Variants in NCKAP1L observed in about 807,000 individuals in gnomAD.
NCKAP1L encodes NCK associated protein 1 like, also known as nck-associated protein 1-like.
In NCKAP1L, 53 loss-of-function variants were observed where a neutral mutation model predicts 139.2. The ratio of observed to expected loss-of-function variants is 0.38; its 90% CI spans 0.31 to 0.48. The LOEUF is 0.48. Ranked by LOEUF, NCKAP1L falls within the 20% of genes least tolerant of loss-of-function variation. The pLI is 0.98. For missense variants in NCKAP1L, 1,151 were observed against 1,381.9 expected (o/e 0.83, Z 2.65); for synonymous variants, 468 against 499.7 (o/e 0.94, Z 0.85).
chr12:54,533,316 T>A (rs931710744), intron 26 of NCKAP1L, among the ~76,000 whole-genome samples: 1 of 152,178 alleles, frequency 6.6e-6, no homozygotes, highest in South Asian at 2.1e-4. Flanking sequence ...AGAGGGAGGA[T>A]GGCCTGTCCA....
At chr12:54,516,829 TG>T in intron 10 of NCKAP1L, 66 bp from the exon 11 acceptor site, 1 of 1,360,150 alleles carries the variant, frequency 7.4e-7, no homozygotes, top group Non-Finnish European at 1.0e-6. Flanking sequence ...AGCTTTCTTC[TG>T]TGCTGCCTGT....
chr12:54,535,826 C>A (rs1472645565), intron 27 of NCKAP1L, among the ~76,000 whole-genome samples: 1 of 152,204 alleles, frequency 6.6e-6, no homozygotes, highest in Non-Finnish European at 1.5e-5. Flanking sequence ...GCCTCTCCAT[C>A]CTATCAGGCA....
intron 30 of NCKAP1L, among the ~76,000 whole-genome samples, chr12:54,540,542 C>A (rs1957149226): frequency 6.6e-6 from 1 of 152,178 alleles, no homozygotes; most frequent in African/African-American, 2.4e-5. Flanking sequence ...GGCTCTCTAT[C>A]CATAAAAGTG....
intron 13 of NCKAP1L, 147 bp from the exon 14 acceptor site, chr12:54,518,504 T>G (rs933195359): frequency 2.7e-6 from 2 of 728,582 alleles, no homozygotes; most frequent in African/African-American, 3.4e-5. Context: ...CCCGGAAAGT[T>G]TCCTTCATCT....
At chr12:54,531,930 C>A in intron 25 of NCKAP1L, 105 bp downstream of exon 25, 1 of 995,412 alleles carries the variant, frequency 1.0e-6, no homozygotes, top group Non-Finnish European at 1.5e-6. Flanking sequence ...TTAACTTCTG[C>A]TTCAGAAGGG....
In NCKAP1L at chr12:54,518,923, G is replaced by A; in HGVS notation, c.1430G>A (p.Gly477Glu). The change falls in exon 15 of 31, where the codon GGA becomes GAA. Residue 477 changes from glycine to glutamate, a missense_variant. By Grantham distance (98) the Gly-to-Glu change is moderately conservative. Coordinates refer to ENST00000293373, the MANE Select transcript of NCKAP1L (RefSeq NM_005337.5). ...TCCGTTTTTCTTGCAGTTGATAATG[G>A]AGAAAAATTTGAATTCTCAGGATTG... ...SSLNLKQVDN[G>E]EKFEFSGLRL... 1 of 1,613,928 alleles carries A rather than the reference G, an allele frequency of 6.2e-7. No homozygotes were observed. The highest frequency in any genetic ancestry group is 1.7e-5 in the Admixed American group (1 of 60,020).
intron 29 of NCKAP1L, among the ~76,000 whole-genome samples, chr12:54,538,324 C>T (rs1957129267): frequency 1.3e-5 from 2 of 152,186 alleles, no homozygotes; most frequent in African/African-American, 4.8e-5. Flanking sequence ...AAGGGAATCC[C>T]CCACCCTTGC....
intron 16 of NCKAP1L, among the ~76,000 whole-genome samples, chr12:54,519,939 T>G (rs991009976): frequency 6.6e-6 from 1 of 151,776 alleles, no homozygotes; most frequent in Non-Finnish European, 1.5e-5. Flanking sequence ...AAACTTTGAG[T>G]TTTAGTGGAC....
chr12:54,519,810 C>T (rs867772484), intron 16 of NCKAP1L, among the ~76,000 whole-genome samples: 16 of 151,110 alleles, frequency 1.1e-4, no homozygotes, highest in East Asian at 3.9e-4. Flanking sequence ...ACATAGTCTT[C>T]GCTTCTCTGG....
intron 3 of NCKAP1L, chr12:54,500,856 C>T (rs1956792284): frequency 2.9e-6 from 1 of 347,142 alleles, no homozygotes; most frequent in Non-Finnish European, 5.2e-6. Context: ...TAGTAAATAT[C>T]TAGGAAAGAT....
intron 3 of NCKAP1L, among the ~76,000 whole-genome samples, chr12:54,504,944 A>G (rs543192454): frequency 2.0e-4 from 30 of 152,350 alleles, no homozygotes; most frequent in African/African-American, 7.2e-4. Context: ...CTGAAAGTGA[A>G]TTTCAGCTAT....
At chr12:54,536,345 G>C in intron 28 of NCKAP1L, 100 bp downstream of exon 28, 1 of 893,454 alleles carries the variant, frequency 1.1e-6, no homozygotes. Context: ...CTTCTGACTT[G>C]GGTGTAAAGT....
chr12:54,524,301 C>A (rs1447017131), intron 20 of NCKAP1L, among the ~76,000 whole-genome samples: 1 of 152,168 alleles, frequency 6.6e-6, no homozygotes, highest in East Asian at 1.9e-4. Context: ...TTATTTGAAC[C>A]AGTTTCTTTC....
intron 7 of NCKAP1L, among the ~76,000 whole-genome samples, chr12:54,511,414 A>T (rs1316727842): frequency 4.6e-5 from 7 of 152,268 alleles, no homozygotes; most frequent in Middle Eastern, 3.4e-3. Context: ...TTAGTTTTTT[A>T]AAAAAATTTA....
intron 22 of NCKAP1L, among the ~76,000 whole-genome samples, chr12:54,530,890 A>G (rs1957063543): frequency 1.3e-5 from 2 of 152,266 alleles, no homozygotes; most frequent in Admixed American, 1.3e-4. Flanking sequence ...GAAGTAAACC[A>G]GGCTCAGAGA....
intron 11 of NCKAP1L, 78 bp from the exon 12 acceptor site, chr12:54,517,455 T>G (rs1354500848): frequency 1.1e-6 from 1 of 936,018 alleles, no homozygotes; most frequent in Non-Finnish European, 1.7e-6. Context: ...CATACCTATA[T>G]TATCATGGTA....
At position 54,545,766 on chromosome 12, in the gene NCKAP1L, G is replaced by A. The variant is rs1254022937; in HGVS notation, c.*3081G>A. 6.6e-6 allele frequency: 1 copy of A among 152,252 alleles called. No individual in the cohort carries two copies. Among genetic ancestry groups the A allele is most frequent in the African/African-American group, 2.4e-5 (1 of 41,468 alleles). The allele number at this position is 152,252 out of a possible 1,614,324, so 9.4% of individuals were successfully genotyped here. On this transcript the variant is annotated 3_prime_UTR_variant, in exon 31 of 31. Transcript: ENST00000293373. ...TAGCCTCAGCATTTTCATTAATGTA[G>A]TGTTTTTATTAACATCTCCATTAAC...
intron 7 of NCKAP1L, chr12:54,510,325 CT>C (rs1956877138): frequency 2.2e-6 from 1 of 451,396 alleles, no homozygotes; most frequent in African/African-American, 2.0e-5. Flanking sequence ...AATCAATTAA[CT>C]TATTTTTATT....
chr12:54,510,802 G>A (rs1017266275), intron 7 of NCKAP1L, among the ~76,000 whole-genome samples: 3 of 151,806 alleles, frequency 2.0e-5, no homozygotes, highest in Non-Finnish European at 2.9e-5. Flanking sequence ...GATTACAGGC[G>A]TGAGCCACCG....
Sources: allele counts gnomAD v4.1 joint callset (sites outside exome capture counted in the v4.1 genomes callset), GRCh38; gene constraint gnomAD v4.1.1; transcripts MANE v1.5; gene names NCBI Gene and HGNC (gene_info 2026-07-23, HGNC 2026-07-21).